Variants in ITPK1 observed in about 807,000 individuals in gnomAD.
ITPK1 encodes the protein inositol-tetrakisphosphate 1-kinase.
ITPK1 carries 21 observed loss-of-function variants against 45.3 expected under a neutral mutation model. That is an observed-to-expected ratio of 0.46 (90% CI 0.33 to 0.67). The LOEUF (loss-of-function observed/expected upper bound fraction) is 0.67. Ranked by LOEUF, ITPK1 falls within the 30% of genes least tolerant of loss-of-function variation. The pLI, the probability that ITPK1 is intolerant of heterozygous loss-of-function variation, is 0.02. For missense variants in ITPK1, 474 were observed against 573.5 expected (o/e 0.83, Z 1.77); for synonymous variants, 258 against 253.6 (o/e 1.02, Z -0.16).
chr14:92,944,717 G>A (rs911530920), intron 10 of ITPK1, among the ~76,000 whole-genome samples: 14 of 152,020 alleles, frequency 9.2e-5, no homozygotes, highest in Non-Finnish European at 1.8e-4. Context: ...TATCCTGAAC[G>A]TCCCTTGCAT....
intron 2 of ITPK1, among the ~76,000 whole-genome samples, chr14:93,089,177 G>T (rs1891771388): frequency 6.6e-6 from 1 of 152,196 alleles, no homozygotes; most frequent in South Asian, 2.1e-4. Context: ...CATTGCCCCA[G>T]GGGCCCCAAG....
At position 93,010,997 on chromosome 14, in the gene ITPK1, G is replaced by T. The variant is rs545398660; in HGVS notation, c.246+5679C>A. Among the ~76,000 whole-genome samples the T allele has an allele frequency of 1.5e-3, 234 of 152,320 alleles. 1 individual carries two copies. The highest frequency in any genetic ancestry group is 2.6e-3 in the Non-Finnish European group (180 of 68,042). ...CACACACGTGCACCATTCACACCAT[G>T]CCAGGCACTAGGGGAATCGCAAATT... On this transcript the variant is annotated intron_variant, in intron 4 of 10. Transcript: ENST00000267615.
rs117871840 is a variant in ITPK1 at position 92,958,404 on chromosome 14, A to G, written c.505-38T>C. The G allele has an allele frequency of 2.7e-4, 441 of 1,607,920 alleles. 3 individuals are homozygous for G. In the East Asian group the frequency reaches 8.9e-3, roughly 33 times the overall value. On this transcript the variant is annotated intron_variant, in intron 7 of 10. Coordinates refer to ENST00000267615, the MANE Select transcript of ITPK1 (RefSeq NM_014216.6). The surrounding 1 kb of genome is among the most constrained non-coding windows in gnomAD (Gnocchi z 4.4). ...GGGGTCAAAAGCTCTGTCAGAATCC[A>G]CCACCTTCTCAGCCTCCAACACACA...
intron 6 of ITPK1, 67 bp downstream of exon 6, chr14:92,962,684 G>T: frequency 1.6e-6 from 2 of 1,225,780 alleles, no homozygotes; most frequent in Non-Finnish European, 2.4e-6. Flanking sequence ...TATAAACCCA[G>T]CCCCTCCCCT....
intron 2 of ITPK1, among the ~76,000 whole-genome samples, chr14:93,100,692 G>A (rs565665915): frequency 6.6e-6 from 1 of 152,170 alleles, no homozygotes; most frequent in African/African-American, 2.4e-5. Flanking sequence ...TACCGAACCC[G>A]CTCAGCACTG....
At position 93,004,997 on chromosome 14, in the gene ITPK1, A is replaced by G. The variant is rs571921198; in HGVS notation, c.247-11000T>C. Reference sequence around the variant, plus strand: ...GGCAGTCTCAACATGAAAAGTGAGGACAAGGTAGAGAGCAGGAGACGGACC... The same window carrying G: ...GGCAGTCTCAACATGAAAAGTGAGGGCAAGGTAGAGAGCAGGAGACGGACC... On this transcript the variant is annotated intron_variant, in intron 4 of 10. Transcript: ENST00000267615. Among the ~76,000 whole-genome samples the G allele has an allele frequency of 1.4e-4, 22 of 152,184 alleles. No homozygotes were observed. In the East Asian group the frequency reaches 3.3e-3, roughly 23 times the overall value.
At chr14:93,028,656 G>C (rs1424453439) in intron 3 of ITPK1, among the ~76,000 whole-genome samples, 1 of 152,198 alleles carries the variant, frequency 6.6e-6, no homozygotes, top group Non-Finnish European at 1.5e-5. Flanking sequence ...GCCTGGCCCA[G>C]AGCAGGCCCC....
At chr14:92,945,023 G>A (rs927417761) in intron 10 of ITPK1, among the ~76,000 whole-genome samples, 16 of 152,168 alleles carry the variant, frequency 1.1e-4, no homozygotes, top group East Asian at 7.7e-4. Context: ...AGGGCTCCAC[G>A]GTGCCTCTCC....
At chr14:92,954,141 C>T (rs770522530) in intron 8 of ITPK1, among the ~76,000 whole-genome samples, 1 of 152,162 alleles carries the variant, frequency 6.6e-6, no homozygotes, top group Admixed American at 6.5e-5. Context: ...GTGATCTGCC[C>T]GCCTCAGCCT....
chr14:92,978,583 C>T (rs1373799786), intron 5 of ITPK1, among the ~76,000 whole-genome samples: 2 of 151,984 alleles, frequency 1.3e-5, no homozygotes, highest in Non-Finnish European at 2.9e-5. Context: ...GCTCAGGGCC[C>T]TGCTGCTCCA....
chr14:92,943,233 G>A lies in ITPK1; in HGVS notation c.902-1329C>T, dbSNP rs374610503. On this transcript the variant is annotated intron_variant, in intron 10 of 10. Transcript: ENST00000267615. ...AGGAGGCATGACCGTTAACCACCAC[G>A]GGGAGGGCAGTGATGACGTCCATGG... is the stretch of plus-strand genomic sequence containing the variant. Among the ~76,000 whole-genome samples the A allele has an allele frequency of 2.0e-4, 30 of 152,204 alleles. 1 individual carries two copies. The highest frequency in any genetic ancestry group is 1.8e-3 in the Admixed American group (27 of 15,278).
At chr14:92,960,171 C>T (rs1884991977) in intron 7 of ITPK1, among the ~76,000 whole-genome samples, 1 of 152,222 alleles carries the variant, frequency 6.6e-6, no homozygotes, top group African/African-American at 2.4e-5. Flanking sequence ...TGGACCCAGA[C>T]AGCCGGCTGG....
chr14:92,969,595 G>A (rs1012917952), intron 5 of ITPK1, among the ~76,000 whole-genome samples: 1 of 152,210 alleles, frequency 6.6e-6, no homozygotes, highest in Non-Finnish European at 1.5e-5. Flanking sequence ...AGCCCCTTCT[G>A]CCTGCCTGAG....
chr14:92,968,271 C>T (rs1566703941), intron 5 of ITPK1, among the ~76,000 whole-genome samples: 1 of 151,950 alleles, frequency 6.6e-6, no homozygotes, highest in Non-Finnish European at 1.5e-5. Context: ...GCGGAGGTTG[C>T]AGTGAGCCAA....
intron 4 of ITPK1, among the ~76,000 whole-genome samples, chr14:92,999,813 G>A (rs1887248424): frequency 6.6e-6 from 1 of 152,198 alleles, no homozygotes. Context: ...CCAAAGCAAG[G>A]GCTTTTGGAA....
rs1566764465 is a variant in ITPK1, at chr14:93,063,542, GTCTCAATCATCCA to G, written c.120+13040_120+13052del. ...AGGCCTTCTCACTTGCCCTCCCCTC[GTCTCAATCATCCA>G]TCTCATCACCATCTGGTAGATGGGC... On this transcript the variant is annotated intron_variant, in intron 3 of 10. Coordinates refer to ENST00000267615, the MANE Select transcript of ITPK1 (RefSeq NM_014216.6). This position sits in a 1 kb window ranked among gnomAD's most constrained non-coding sequence, Gnocchi z 4.3. Among the ~76,000 whole-genome samples the G allele has an allele frequency of 6.6e-6, 1 of 152,130 alleles. No individual in the cohort carries two copies.
chr14:93,105,724 A>T (rs1892497362), intron 2 of ITPK1, among the ~76,000 whole-genome samples: 2 of 136,536 alleles, frequency 1.5e-5, no homozygotes, highest in Admixed American at 7.6e-5. Flanking sequence ...TTTTTTTGAG[A>T]CAGAGTTTCA....
chr14:93,046,802 T>C (rs1889797923), intron 3 of ITPK1, among the ~76,000 whole-genome samples: 1 of 152,144 alleles, frequency 6.6e-6, no homozygotes, highest in African/African-American at 2.4e-5. Flanking sequence ...GCTCAGTCAC[T>C]AGCTAGCCCA....
In ITPK1 at chr14:93,083,007, T is replaced by C. The variant is rs139098202; in HGVS notation, c.96-6388A>G. Among the ~76,000 whole-genome samples, 237 of 152,336 alleles carry C rather than the reference T, an allele frequency of 1.6e-3. 1 individual carries two copies. Among genetic ancestry groups the C allele is most frequent in the African/African-American group, 5.6e-3 (232 of 41,576 alleles). ...TGGCCGCTGAGCAGCAGGGACCCTG[T>C]GAGTGACAGTGGTTACCACTTCTGA... On this transcript the variant is annotated intron_variant, in intron 2 of 10. Coordinates refer to ENST00000267615, the MANE Select transcript of ITPK1 (RefSeq NM_014216.6).
Sources: gnomAD v4.1 joint callset for allele counts (sites outside exome capture counted in the v4.1 genomes callset) on GRCh38, gnomAD v4.1.1 for gene constraint, Gnocchi (gnomAD v3.1) non-coding constraint, MANE v1.5 for transcripts, NCBI Gene and HGNC (gene_info 2026-07-23, HGNC 2026-07-21) for gene names.